CDH4: variants seen among roughly 807,000 people sequenced by gnomAD.
CDH4 encodes cadherin 4.
A neutral mutation model predicts 86.0 loss-of-function variants in CDH4; 33 were observed. The ratio of observed to expected loss-of-function variants is 0.38; its 90% CI spans 0.29 to 0.51. The LOEUF (loss-of-function observed/expected upper bound fraction) is 0.51. CDH4 is among the 20% of genes least tolerant of loss of function. The pLI, the probability that CDH4 is intolerant of heterozygous loss-of-function variation, is 0.86. For missense variants in CDH4, 1,114 were observed against 1,307.4 expected (o/e 0.85, Z 2.28); for synonymous variants, 555 against 549.4 (o/e 1.01, Z -0.14).
At chr20:61,444,419 A>G (rs377084924) in intron 2 of CDH4, among the ~76,000 whole-genome samples, 2 of 56,496 alleles carry the variant, frequency 3.5e-5, no homozygotes, top group Admixed American at 1.9e-4. Context: ...GTATCTGTAT[A>G]TATGTGTATG....
intron 2 of CDH4, among the ~76,000 whole-genome samples, chr20:61,443,890 A>T (rs1381575455): frequency 6.9e-6 from 1 of 144,528 alleles, no homozygotes; most frequent in Admixed American, 6.8e-5. Context: ...GTGTCTGTGT[A>T]TGTGTCTGTG....
At chr20:61,719,198 T>A (rs1363187591) in intron 2 of CDH4, 1 of 439,546 alleles carries the variant, frequency 2.3e-6, no homozygotes, top group Admixed American at 2.7e-5. Context: ...AGATTTTTTT[T>A]TTTAAGTCTT....
chr20:61,737,697 G>T (rs2088281703), intron 2 of CDH4, among the ~76,000 whole-genome samples: 1 of 152,216 alleles, frequency 6.6e-6, no homozygotes, highest in African/African-American at 2.4e-5. Flanking sequence ...ATGCCACAGG[G>T]CATACTGGCC....
intron 6 of CDH4, among the ~76,000 whole-genome samples, chr20:61,869,193 A>G (rs1037571624): frequency 2.0e-5 from 3 of 152,266 alleles, no homozygotes; most frequent in African/African-American, 4.8e-5. Flanking sequence ...TGGCAACCCT[A>G]TATTGATTCC....
intron 2 of CDH4, among the ~76,000 whole-genome samples, chr20:61,506,855 C>T (rs1428621654): frequency 6.6e-6 from 1 of 152,038 alleles, no homozygotes; most frequent in African/African-American, 2.4e-5. Context: ...TAAACATTTG[C>T]GAAAGGAACC....
intron 2 of CDH4, among the ~76,000 whole-genome samples, chr20:61,560,529 G>A (rs760583780): frequency 1.3e-4 from 20 of 152,208 alleles, no homozygotes; most frequent in Non-Finnish European, 2.5e-4. Flanking sequence ...AGCTCAGACG[G>A]CCCTGGGCCA....
At chr20:61,653,352 G>A (rs1219261146) in intron 2 of CDH4, among the ~76,000 whole-genome samples, 2,539 of 136,130 alleles carry the variant, frequency 0.019, 38 homozygotes, top group African/African-American at 0.034. Flanking sequence ...ACACAGACAC[G>A]GCAACCATCC....
At chr20:61,560,387 C>G (rs1391336623) in intron 2 of CDH4, among the ~76,000 whole-genome samples, 1 of 152,236 alleles carries the variant, frequency 6.6e-6, no homozygotes, top group Non-Finnish European at 1.5e-5. Flanking sequence ...GGGCATGTGA[C>G]TCGCAACCAT....
chr20:61,583,093 G>A (rs983667962), intron 2 of CDH4, among the ~76,000 whole-genome samples: 2 of 149,792 alleles, frequency 1.3e-5, no homozygotes, highest in Non-Finnish European at 3.0e-5. Context: ...CAGAGGGGAG[G>A]TGAAGAGAAG....
chr20:61,275,780 G>T (rs894992786), intron 2 of CDH4, among the ~76,000 whole-genome samples: 1 of 152,170 alleles, frequency 6.6e-6, no homozygotes, highest in South Asian at 2.1e-4. Flanking sequence ...TTTTCTGAAG[G>T]ATCCTGGATT....
At chr20:61,578,001 C>A (rs2086396622) in intron 2 of CDH4, among the ~76,000 whole-genome samples, 1 of 152,176 alleles carries the variant, frequency 6.6e-6, no homozygotes, top group Admixed American at 6.5e-5. Flanking sequence ...ACAGCCTCCC[C>A]ACCATGCAGG....
At chr20:61,782,409 T>C (rs1399669819) in intron 4 of CDH4, among the ~76,000 whole-genome samples, 2 of 152,154 alleles carry the variant, frequency 1.3e-5, no homozygotes, top group Non-Finnish European at 2.9e-5. Context: ...TAAAGGATGT[T>C]CCTCAGGCCA....
At chr20:61,599,828 T>C (rs1440631874) in intron 2 of CDH4, 2 of 985,522 alleles carry the variant, frequency 2.0e-6, no homozygotes, top group African/African-American at 1.7e-5. Context: ...CTGTTCCTGG[T>C]TGAAGCTGAA....
intron 2 of CDH4, among the ~76,000 whole-genome samples, chr20:61,706,314 C>T (rs780252244): frequency 9.9e-5 from 15 of 151,932 alleles, no homozygotes; most frequent in Middle Eastern, 3.4e-3. Flanking sequence ...TTCAGAGGGC[C>T]GGGGGGGATG....
intron 2 of CDH4, among the ~76,000 whole-genome samples, chr20:61,478,637 G>A (rs2085552604): frequency 6.6e-6 from 1 of 152,220 alleles, no homozygotes; most frequent in African/African-American, 2.4e-5. Context: ...GGGGGAATAT[G>A]TGTTGTGGTT....
rs2084072041 is a variant in CDH4, at chr20:61,252,926, C to T, written c.57+356C>T. ...GGCAGGCTTCCACTGGCGGAGCCGG[C>T]GCGCCCTCCATCGCCCGGGAGCCGC... On this transcript the variant is annotated intron_variant, in intron 1 of 15. Transcript: ENST00000614565. This position sits in a 1 kb window ranked among gnomAD's most constrained non-coding sequence, Gnocchi z 4.4. Among the ~76,000 whole-genome samples the T allele has an allele frequency of 6.6e-6, 1 of 151,862 alleles. No homozygotes were observed. Among genetic ancestry groups the T allele is most frequent in the South Asian group, 2.1e-4 (1 of 4,836 alleles).
intron 2 of CDH4, among the ~76,000 whole-genome samples, chr20:61,646,583 TG>T (rs937864752): frequency 1.3e-5 from 2 of 152,286 alleles, no homozygotes; most frequent in Admixed American, 6.5e-5. Flanking sequence ...GGGGGATCCC[TG>T]GGGGGACGAA....
At chr20:61,678,124 C>A (rs6089260) in intron 2 of CDH4, among the ~76,000 whole-genome samples, 1 of 151,488 alleles carries the variant, frequency 6.6e-6, no homozygotes, top group East Asian at 1.9e-4. Flanking sequence ...CATTAGAAGA[C>A]GGATGGAAGA....
intron 2 of CDH4, among the ~76,000 whole-genome samples, chr20:61,455,206 A>G (rs2085400945): frequency 6.6e-6 from 1 of 152,218 alleles, no homozygotes; most frequent in Admixed American, 6.5e-5. Flanking sequence ...TCCAACTTTG[A>G]GATACAGGAA....
Sources: gnomAD v4.1 joint callset for allele counts (sites outside exome capture counted in the v4.1 genomes callset) on GRCh38, gnomAD v4.1.1 for gene constraint, Gnocchi (gnomAD v3.1) non-coding constraint, MANE v1.5 for transcripts, NCBI Gene and HGNC (gene_info 2026-07-23, HGNC 2026-07-21) for gene names.